CCDC141: variants seen among roughly 807,000 people sequenced by gnomAD.
CCDC141 encodes coiled-coil domain-containing protein 141.
In CCDC141, 168 loss-of-function variants were observed where a neutral mutation model predicts 181.0. The observed-to-expected ratio is 0.93, with a 90% CI of 0.82 to 1.05. The LOEUF (loss-of-function observed/expected upper bound fraction) is 1.05, where lower values mean the gene tolerates loss of function less well. CCDC141 is among the 50% of genes least tolerant of loss of function. The probability of loss-of-function intolerance (pLI) is 0.00; values close to 1 mark genes in which losing one functional copy is unlikely to be tolerated. For missense variants in CCDC141, 1,902 were observed against 1,788.5 expected (o/e 1.06, Z -1.14); for synonymous variants, 666 against 642.3 (o/e 1.04, Z -0.56).
chr2:178,951,526 T>C (rs770811528), intron 5 of CCDC141, among the ~76,000 whole-genome samples: 110 of 152,218 alleles, frequency 7.2e-4, no homozygotes, highest in Non-Finnish European at 1.3e-3. Context: ...AAGCATGCCA[T>C]TGATTGTTTG....
intron 2 of CCDC141, among the ~76,000 whole-genome samples, chr2:179,030,419 T>C (rs998822932): frequency 6.6e-6 from 1 of 152,104 alleles, no homozygotes; most frequent in Non-Finnish European, 1.5e-5. Context: ...CGTGTTGTTA[T>C]CATTAAGAAA....
At position 178,990,193 on chromosome 2, in the gene CCDC141, A is replaced by T. The variant is rs143776770; in HGVS notation, c.226-11518T>A. On this transcript the variant is annotated intron_variant, in intron 2 of 23. Transcript: ENST00000443758. ...AGAAAAATAACAATTGTTGGCAAGA[A>T]CATGGAGAAAATTGGAATCCATGTA... Among the ~76,000 whole-genome samples, 906 of 151,976 alleles carry T rather than the reference A, an allele frequency of 6.0e-3. 11 individuals are homozygous for T. The highest frequency in any genetic ancestry group is 0.02 in the African/African-American group (841 of 41,452).
chr2:178,929,376 T>A (rs987958992), intron 6 of CCDC141, among the ~76,000 whole-genome samples: 1 of 152,252 alleles, frequency 6.6e-6, no homozygotes, highest in African/African-American at 2.4e-5. Flanking sequence ...GAGAAGAAAA[T>A]TGTTCAACAA....
At chr2:178,870,835 G>C (rs896390435) in intron 14 of CCDC141, among the ~76,000 whole-genome samples, 1 of 152,146 alleles carries the variant, frequency 6.6e-6, no homozygotes, top group Non-Finnish European at 1.5e-5. Flanking sequence ...AATTTTTGGC[G>C]GTTGTGTCAC....
intron 2 of CCDC141, among the ~76,000 whole-genome samples, chr2:179,015,374 T>TACATATCCCCATATATGTATC (rs1280024321): frequency 3.2e-5 from 4 of 124,804 alleles, no homozygotes; most frequent in Admixed American, 1.0e-4. Flanking sequence ...ATATGTATCA[T>TACATATCCCCATATATGTATC]ATATATCTCA....
chr2:178,894,894 T>C (rs1233161977), intron 8 of CCDC141, among the ~76,000 whole-genome samples: 2 of 152,144 alleles, frequency 1.3e-5, no homozygotes, highest in East Asian at 3.8e-4. Flanking sequence ...AATACTGAGA[T>C]TAAAAGGGCA....
chr2:178,970,060 A>T (rs1328195843), intron 4 of CCDC141, among the ~76,000 whole-genome samples: 1 of 152,212 alleles, frequency 6.6e-6, no homozygotes, highest in East Asian at 1.9e-4. Context: ...AATCCAACTT[A>T]CAAGGGATGT....
chr2:178,925,329 A>C (rs1215819576), intron 6 of CCDC141, among the ~76,000 whole-genome samples: 1 of 152,192 alleles, frequency 6.6e-6, no homozygotes, highest in Non-Finnish European at 1.5e-5. Flanking sequence ...TGTTTCCCTT[A>C]TTCTCTTCGG....
intron 2 of CCDC141, among the ~76,000 whole-genome samples, chr2:179,015,313 A>G (rs2042446735): frequency 7.0e-6 from 1 of 142,114 alleles, no homozygotes; most frequent in Non-Finnish European, 1.5e-5. Flanking sequence ...TATCATACAT[A>G]TCTCATATAT....
chr2:178,933,072 A>G (rs1348150768), intron 6 of CCDC141, among the ~76,000 whole-genome samples: 2 of 152,226 alleles, frequency 1.3e-5, no homozygotes, highest in African/African-American at 4.8e-5. Context: ...TAACAACTAG[A>G]AAATATTTTC....
intron 2 of CCDC141, among the ~76,000 whole-genome samples, chr2:179,008,456 A>G (rs1002820246): frequency 1.3e-5 from 2 of 152,126 alleles, no homozygotes; most frequent in East Asian, 1.9e-4. Context: ...TCTGAAGCCA[A>G]TCCTTCCTAT....
chr2:178,822,429 G>GA, the CCDC141 span, among the ~76,000 whole-genome samples: 79,540 of 143,974 alleles, frequency 0.55, 21,831 homozygotes, highest in East Asian at 0.82. Flanking sequence ...AATCCCTCCT[G>GA]AAAAAAAAAA....
At chr2:178,896,051 T>G (rs111447230) in intron 8 of CCDC141, among the ~76,000 whole-genome samples, 462 of 152,194 alleles carry the variant, frequency 3.0e-3, no homozygotes, top group African/African-American at 0.011. Context: ...CTGTCACAAA[T>G]GAAATAACTA....
At position 178,981,196 on chromosome 2, in the gene CCDC141, C is replaced by T. The variant is rs184912531; in HGVS notation, c.226-2521G>A. On this transcript the variant is annotated intron_variant, in intron 2 of 23. Transcript: ENST00000443758. ...TCAGTAATCATTATATCCAGCAGGCCGAAAATTATGAAGCATATAGATGAA... is the reference window on the plus strand; with the variant it reads ...TCAGTAATCATTATATCCAGCAGGCTGAAAATTATGAAGCATATAGATGAA... Among the ~76,000 whole-genome samples the T allele has an allele frequency of 4.7e-4, 72 of 151,988 alleles. 1 individual carries two copies. The East Asian group carries it at 0.011, about 23-fold the overall frequency.
At chr2:178,961,662 G>C (rs1016773436) in intron 4 of CCDC141, among the ~76,000 whole-genome samples, 179 bp from the exon 5 acceptor site, 5 of 152,246 alleles carry the variant, frequency 3.3e-5, no homozygotes, top group African/African-American at 1.2e-4. Flanking sequence ...AGAAAAAACT[G>C]GTCAAACACC....
rs180753165 is a variant in CCDC141 at position 178,886,946 on chromosome 2, T to C, written c.1408-75A>G. 4.6e-4 allele frequency: 388 copies of C among 844,650 alleles called. 1 individual carries two copies. The African/African-American group carries it at 6.0e-3, about 13-fold the overall frequency. 52.3% of individuals were successfully genotyped at this position (844,650 alleles called of 1,614,324 possible). On this transcript the variant is annotated intron_variant, in intron 9 of 23. Coordinates refer to ENST00000443758, the MANE Select transcript of CCDC141 (RefSeq NM_173648.4). ...TATGTACGCACATGTGTCAGGAAGA[T>C]AAATATTATTTTATAGATTCTCATT...
intron 23 of CCDC141, 48 bp from the exon 24 acceptor site, chr2:178,834,488 A>T (rs760935329): frequency 4.6e-6 from 7 of 1,524,762 alleles, no homozygotes; most frequent in Non-Finnish European, 6.1e-6. Flanking sequence ...GTTTATTCAC[A>T]TTATTTCCAA....
intron 12 of CCDC141, chr2:178,875,462 G>A (rs551586567): frequency 6.6e-6 from 1 of 152,202 alleles, no homozygotes; most frequent in South Asian, 2.1e-4. Context: ...CTAATCGGGG[G>A]ACTGAGGCAT....
In CCDC141 at chr2:178,871,570, C is replaced by G. The variant is rs773204698; in HGVS notation, c.2080-18G>C. 6.2e-7 allele frequency: 1 copy of G among 1,611,456 alleles called. No homozygotes were observed. The highest frequency in any genetic ancestry group is 8.5e-7 in the Non-Finnish European group (1 of 1,179,032). On this transcript the variant is annotated intron_variant, in intron 13 of 23. Transcript: ENST00000443758. ...TGAGAAGTCTGAAATAAATATTGGA[C>G]AGTTACACATGCATTTTCTTTGACA...
Sources: gnomAD v4.1 joint callset for allele counts (sites outside exome capture counted in the v4.1 genomes callset) on GRCh38, gnomAD v4.1.1 for gene constraint, MANE v1.5 for transcripts, NCBI Gene and HGNC (gene_info 2026-07-23, HGNC 2026-07-21) for gene names.